Variants in CTNNA2 observed in about 807,000 individuals in gnomAD.
CTNNA2 encodes the protein catenin alpha-2.
Under a neutral mutation model 101.0 loss-of-function variants are expected in CTNNA2, and 42 were observed. The ratio of observed to expected loss-of-function variants is 0.42; its 90% CI spans 0.32 to 0.54. The LOEUF is 0.54. CTNNA2 is among the 20% of genes least tolerant of loss of function. The pLI is 0.14. For synonymous variants in CTNNA2, 450 were observed against 456.4 expected, an observed-to-expected ratio of 0.99 and a Z score of 0.18; for missense variants, 871 against 1,223.1, an observed-to-expected ratio of 0.71 and a Z score of 4.29.
At chr2:80,515,498 T>G (rs541420953) in intron 9 of CTNNA2, among the ~76,000 whole-genome samples, 1 of 152,254 alleles carries the variant, frequency 6.6e-6, no homozygotes, top group African/African-American at 2.4e-5. Flanking sequence ...TTAGATAACT[T>G]TTTGAGACCT....
At chr2:79,925,971 A>G (rs1371373890) in intron 7 of CTNNA2, among the ~76,000 whole-genome samples, 1 of 152,062 alleles carries the variant, frequency 6.6e-6, no homozygotes, top group Non-Finnish European at 1.5e-5. Flanking sequence ...GATAATACTC[A>G]TGGATCTGAA....
Position 79,383,911 on chromosome 2 carries a change from A to C in CTNNA2, c.-135+9898A>C, listed in dbSNP as rs544527158. Reference sequence around the variant, plus strand: ...GCATGGCATGCCTATTGACAGCAGCAAGGAACAACTGTTATCTTTGAAAAT... The same window carrying C: ...GCATGGCATGCCTATTGACAGCAGCCAGGAACAACTGTTATCTTTGAAAAT... On this transcript the variant is annotated intron_variant, in intron 4 of 21. Coordinates refer to the CTNNA2 transcript ENST00000466387. Among the ~76,000 whole-genome samples the C allele has an allele frequency of 1.8e-4, 27 of 152,320 alleles. 1 individual carries two copies. In the South Asian group the frequency reaches 5.0e-3, roughly 28 times the overall value.
Position 80,394,763 on chromosome 2 carries a change from ACT to A in CTNNA2, c.1137+1475_1137+1476del, listed in dbSNP as rs561270699. 4.2e-4 allele frequency among the ~76,000 whole-genome samples: 59 copies of A among 139,856 alleles called. 1 individual carries two copies. The highest frequency in any genetic ancestry group is 1.8e-3 in the African/African-American group (57 of 31,588). 91.8% of individuals were successfully genotyped at this position (139,856 alleles called of 152,430 possible). On this transcript the variant is annotated intron_variant, in intron 8 of 18. Coordinates refer to ENST00000402739, the MANE Select transcript of CTNNA2 (RefSeq NM_001282597.3). ...ATAAGGAGCCAAACTAGATCTGCAAACTCTTTTTTTTTTAAGCTGTATAAGAT... is the reference window on the plus strand; with the variant it reads ...ATAAGGAGCCAAACTAGATCTGCAAACTTTTTTTTTTAAGCTGTATAAGAT...
At chr2:79,982,406 T>C (rs1691433459) in intron 7 of CTNNA2, among the ~76,000 whole-genome samples, 3 of 144,726 alleles carry the variant, frequency 2.1e-5, no homozygotes, top group African/African-American at 5.2e-5. Flanking sequence ...ATATATAACA[T>C]ATAACACATA....
chr2:80,515,121 G>A (rs1016993309), intron 9 of CTNNA2, among the ~76,000 whole-genome samples: 1 of 151,510 alleles, frequency 6.6e-6, no homozygotes, highest in Non-Finnish European at 1.5e-5. Flanking sequence ...GGATCTTATG[G>A]TACCAACAAT....
At chr2:80,542,069 A>C (rs1054128009) in intron 9 of CTNNA2, among the ~76,000 whole-genome samples, 5 of 150,546 alleles carry the variant, frequency 3.3e-5, no homozygotes, top group Non-Finnish European at 7.4e-5. Flanking sequence ...ACATCAGTTC[A>C]TCAATAAACA....
chr2:79,211,425 G>A (rs1199259475), intron 2 of CTNNA2, among the ~76,000 whole-genome samples: 5 of 152,160 alleles, frequency 3.3e-5, no homozygotes, highest in African/African-American at 4.8e-5. Flanking sequence ...GGGTGCAGGC[G>A]GGCTGAGTCT....
intron 2 of CTNNA2, among the ~76,000 whole-genome samples, chr2:79,290,951 G>C (rs1384332320): frequency 2.6e-5 from 4 of 152,116 alleles, no homozygotes; most frequent in Admixed American, 2.6e-4. Context: ...AACTAAAAGA[G>C]CACCCTGTAA....
At chr2:80,268,582 G>GTC (rs764042434) in intron 7 of CTNNA2, among the ~76,000 whole-genome samples, 6 of 152,084 alleles carry the variant, frequency 3.9e-5, no homozygotes, top group Non-Finnish European at 7.4e-5. Flanking sequence ...ACAACATTTA[G>GTC]TCTTTCTCAC....
At chr2:79,196,977 TC>T (rs1673969452) in intron 1 of CTNNA2, among the ~76,000 whole-genome samples, 1 of 152,242 alleles carries the variant, frequency 6.6e-6, no homozygotes, top group Non-Finnish European at 1.5e-5. Context: ...TTTTTCAGAT[TC>T]TTTCTCATAT....
At chr2:79,267,672 A>T (rs1472764052) in intron 2 of CTNNA2, among the ~76,000 whole-genome samples, 4 of 152,106 alleles carry the variant, frequency 2.6e-5, no homozygotes. Flanking sequence ...CCCACCAAAG[A>T]GCTGTAGTGG....
chr2:79,431,787 T>G (rs1299650986), intron 4 of CTNNA2, among the ~76,000 whole-genome samples: 1 of 152,194 alleles, frequency 6.6e-6, no homozygotes, highest in African/African-American at 2.4e-5. Context: ...TGTTCTTAGC[T>G]TAAAAGTCAG....
intron 1 of CTNNA2, among the ~76,000 whole-genome samples, chr2:79,516,995 T>C (rs1363418246): frequency 6.6e-6 from 1 of 152,136 alleles, no homozygotes; most frequent in African/African-American, 2.4e-5. Flanking sequence ...TTTTCATTGG[T>C]GTCCGAGATT....
chr2:79,256,681 C>G (rs1013675485), intron 2 of CTNNA2, among the ~76,000 whole-genome samples: 4 of 152,196 alleles, frequency 2.6e-5, no homozygotes, highest in Middle Eastern at 3.2e-3. Context: ...GTCCGAGTTA[C>G]TCCTGGGAGT....
chr2:79,452,255 G>C (rs1179090270), intron 4 of CTNNA2, among the ~76,000 whole-genome samples: 1 of 151,942 alleles, frequency 6.6e-6, no homozygotes, highest in Non-Finnish European at 1.5e-5. Flanking sequence ...GTCTCTAAGT[G>C]CCTAACGTGT....
At chr2:80,500,051 A>T (rs760838807) in intron 9 of CTNNA2, among the ~76,000 whole-genome samples, 1 of 152,166 alleles carries the variant, frequency 6.6e-6, no homozygotes, top group Non-Finnish European at 1.5e-5. Context: ...AATGCAAAAA[A>T]TGTTTATGTA....
chr2:79,427,222 G>T (rs1678602294), intron 4 of CTNNA2, among the ~76,000 whole-genome samples: 1 of 151,956 alleles, frequency 6.6e-6, no homozygotes, highest in African/African-American at 2.4e-5. Flanking sequence ...GAATAATGGT[G>T]GGTGGTAACT....
At chr2:80,561,955 C>G (rs1693640872) in intron 12 of CTNNA2, among the ~76,000 whole-genome samples, 1 of 151,566 alleles carries the variant, frequency 6.6e-6, no homozygotes, top group Non-Finnish European at 1.5e-5. Context: ...GGATTACAGG[C>G]ATGAGCCACC....
At chr2:80,223,425 C>A (rs1708691626) in intron 7 of CTNNA2, among the ~76,000 whole-genome samples, 1 of 152,182 alleles carries the variant, frequency 6.6e-6, no homozygotes, top group Non-Finnish European at 1.5e-5. Context: ...TAGGCATGAG[C>A]CACCATGCCC....
Sources: allele counts gnomAD v4.1 joint callset (sites outside exome capture counted in the v4.1 genomes callset), GRCh38; gene constraint gnomAD v4.1.1; transcripts MANE v1.5; gene names NCBI Gene and HGNC (gene_info 2026-07-23, HGNC 2026-07-21).